The following HTR2A variants were observed in gnomAD, a reference collection of about 807,000 sequenced individuals.
The protein encoded by HTR2A is 5-hydroxytryptamine receptor 2A, also known as 5-HT2 receptor.
Under a neutral mutation model 31.0 loss-of-function variants are expected in HTR2A, and 14 were observed. The ratio of observed to expected loss-of-function variants is 0.45; its 90% CI spans 0.30 to 0.71. The LOEUF is 0.71. Ranked by LOEUF, HTR2A falls within the 30% of genes least tolerant of loss-of-function variation. HTR2A has a pLI of 0.09. For missense variants in HTR2A, 442 were observed against 573.3 expected (o/e 0.77, Z 2.34); for synonymous variants, 209 against 225.2 (o/e 0.93, Z 0.64).
At chr13:46,842,269 T>C (rs1290406444) in intron 3 of HTR2A, among the ~76,000 whole-genome samples, 1 of 152,154 alleles carries the variant, frequency 6.6e-6, no homozygotes, top group Admixed American at 6.6e-5. Flanking sequence ...TGAGTAAAGA[T>C]TTATTTAGAA....
intron 3 of HTR2A, among the ~76,000 whole-genome samples, chr13:46,880,835 T>C (rs1231160628): frequency 6.8e-6 from 1 of 146,686 alleles, no homozygotes; most frequent in African/African-American, 2.5e-5. Flanking sequence ...GGAGACTCTG[T>C]CTCAAATAAA....
Position 46,895,855 on chromosome 13 carries a change from G to T in HTR2A, c.52C>A (p.Leu18Ile). Residue 18 changes from leucine to isoleucine, a missense_variant, in exon 2 of 4, where the codon CTA becomes ATA. Around this residue, in one of 5 missense-constraint regions of HTR2A, gnomAD observed 83 missense variants for 84.8 expected, o/e 0.98. Coordinates refer to ENST00000542664, the MANE Select transcript of HTR2A (RefSeq NM_000621.5). This position sits in a 1 kb window ranked among gnomAD's most constrained non-coding sequence, Gnocchi z 4.4. The stretch of plus-strand genomic sequence containing the variant: ...CTGGTGTCATCATTTAATTGCATTA[G>T]GGAGTTCGTAGTTGAGCTCAAAGAA... ...NTSLSSTTNSLMQLNDDTRLY... is the reference protein window; with the variant it reads ...NTSLSSTTNSIMQLNDDTRLY... The T allele has an allele frequency of 6.2e-7, 1 of 1,613,834 alleles. No individual in the cohort carries two copies. Among genetic ancestry groups the T allele is most frequent in the Non-Finnish European group, 8.5e-7 (1 of 1,179,960 alleles).
At chr13:46,876,034 C>T (rs1470906496) in intron 3 of HTR2A, among the ~76,000 whole-genome samples, 2 of 152,170 alleles carry the variant, frequency 1.3e-5, no homozygotes, top group East Asian at 3.8e-4. Flanking sequence ...AATATCCCTA[C>T]AGTGGAAAAT....
chr13:46,894,211 GAAC>G (rs1297299701), intron 2 of HTR2A, among the ~76,000 whole-genome samples: 1 of 152,166 alleles, frequency 6.6e-6, no homozygotes, highest in Admixed American at 6.5e-5. Flanking sequence ...GCTCCGGAGG[GAAC>G]GGGCTGCTCT....
At chr13:46,886,014 T>A (rs1157326028) in intron 3 of HTR2A, among the ~76,000 whole-genome samples, 1 of 152,234 alleles carries the variant, frequency 6.6e-6, no homozygotes, top group East Asian at 1.9e-4. Context: ...TTGCAAATAT[T>A]TTTCGTTTAA....
At chr13:46,873,678 T>C (rs1950883385) in intron 3 of HTR2A, among the ~76,000 whole-genome samples, 1 of 152,038 alleles carries the variant, frequency 6.6e-6, no homozygotes, top group African/African-American at 2.4e-5. Context: ...TTCCCACCTA[T>C]GAGTGAGAAT....
chr13:46,897,086 T>C (rs1348893400), upstream of HTR2A: 3 of 449,790 alleles, frequency 6.7e-6, no homozygotes, highest in East Asian at 1.4e-4. Flanking sequence ...GACCTCCCTC[T>C]ATGTGTATGT....
At chr13:46,876,404 ATTT>A (rs1156826300) in intron 3 of HTR2A, among the ~76,000 whole-genome samples, 1,491 of 70,956 alleles carry the variant, frequency 0.021, 12 homozygotes, top group African/African-American at 0.068. Flanking sequence ...ATATATATAT[ATTT>A]TTTTTTTTTT....
chr13:46,842,366 T>C (rs562290920), intron 3 of HTR2A, among the ~76,000 whole-genome samples: 4 of 152,326 alleles, frequency 2.6e-5, no homozygotes, highest in South Asian at 4.1e-4. Flanking sequence ...GGGCAGATTT[T>C]GGAGTGATTC....
intron 3 of HTR2A, among the ~76,000 whole-genome samples, chr13:46,853,225 T>G (rs1358109226): frequency 1.3e-5 from 2 of 152,114 alleles, no homozygotes; most frequent in African/African-American, 4.8e-5. Context: ...TGATCTTGAT[T>G]AGGAAGAAGG....
intron 3 of HTR2A, among the ~76,000 whole-genome samples, chr13:46,852,991 C>T (rs1950699926): frequency 4.0e-5 from 6 of 149,294 alleles, no homozygotes. Context: ...CTATAAAGTT[C>T]CTGGTAATTC....
chr13:46,861,066 A>G (rs1283429886), intron 3 of HTR2A, among the ~76,000 whole-genome samples: 1 of 152,222 alleles, frequency 6.6e-6, no homozygotes, highest in Non-Finnish European at 1.5e-5. Flanking sequence ...AGGAATGGAA[A>G]GCTGACTAAG....
chr13:46,892,637 G>T (rs897770177), intron 2 of HTR2A, 47 bp from the exon 3 acceptor site: 4 of 1,509,412 alleles, frequency 2.7e-6, no homozygotes, highest in South Asian at 2.2e-5. Flanking sequence ...GTGCCTCCTG[G>T]AGCACATGTA....
intron 3 of HTR2A, among the ~76,000 whole-genome samples, chr13:46,866,085 G>A (rs936683887): frequency 1.4e-4 from 21 of 152,138 alleles, no homozygotes; most frequent in Non-Finnish European, 2.5e-4. Flanking sequence ...GGATTAATTC[G>A]TGAGTTTCAT....
intron 3 of HTR2A, among the ~76,000 whole-genome samples, chr13:46,888,510 T>C (rs539827999): frequency 6.7e-6 from 1 of 149,804 alleles, no homozygotes. Flanking sequence ...AATTCTATAC[T>C]GAACAAAAAT....
chr13:46,890,084 C>T (rs552032018), intron 3 of HTR2A, among the ~76,000 whole-genome samples: 20 of 152,366 alleles, frequency 1.3e-4, no homozygotes, highest in Non-Finnish European at 2.8e-4. Flanking sequence ...TGGCTCATGA[C>T]TGTAATCCCA....
At chr13:46,891,549 C>G (rs904878723) in intron 3 of HTR2A, among the ~76,000 whole-genome samples, 11 of 152,196 alleles carry the variant, frequency 7.2e-5, no homozygotes, top group African/African-American at 1.2e-4. Context: ...CCCTTGATTT[C>G]AAGCGGTGGA....
chr13:46,834,671 T>C lies in HTR2A; in HGVS notation c.*166A>G. 1.8e-6 allele frequency: 1 copy of C among 570,064 alleles called. No individual in the cohort carries two copies. The highest frequency in any genetic ancestry group is 2.7e-5 in the South Asian group (1 of 37,196). The allele number at this position is 570,064 out of a possible 1,614,324, so 35.3% of individuals were successfully genotyped here. On this transcript the variant is annotated 3_prime_UTR_variant, in exon 4 of 4. Transcript: ENST00000542664. ...GAACATTTTCCAAGCACACATTTTG[T>C]AGCATTGAACCCCGCTTTTCATTGA...
chr13:46,855,137 C>T (rs889543780), intron 3 of HTR2A, among the ~76,000 whole-genome samples: 2 of 152,158 alleles, frequency 1.3e-5, no homozygotes, highest in African/African-American at 4.8e-5. Flanking sequence ...CCTGCCAATA[C>T]CTTGATTCCC....
Sources: gnomAD v4.1 joint callset for allele counts (sites outside exome capture counted in the v4.1 genomes callset) on GRCh38, gnomAD v4.1.1 for gene constraint, gnomAD v4.1.1 regional missense constraint, Gnocchi (gnomAD v3.1) non-coding constraint, MANE v1.5 for transcripts, NCBI Gene and HGNC (gene_info 2026-07-23, HGNC 2026-07-21) for gene names.